Variants in RSRC1 observed in about 807,000 individuals in gnomAD.
The protein encoded by RSRC1 is serine/Arginine-related protein 53.
A neutral mutation model predicts 49.1 loss-of-function variants in RSRC1; 39 were observed. The observed-to-expected ratio is 0.79, with a 90% CI of 0.61 to 1.04. The LOEUF (loss-of-function observed/expected upper bound fraction) is 1.04. Ranked by LOEUF, RSRC1 falls within the 50% of genes least tolerant of loss-of-function variation. The pLI is 0.00. For missense variants in RSRC1, 388 were observed against 402.4 expected, an observed-to-expected ratio of 0.96 and a Z score of 0.31; for synonymous variants, 143 against 130.8, an observed-to-expected ratio of 1.09 and a Z score of -0.63.
At chr3:158,257,371 G>C (rs1274317676) in intron 4 of RSRC1, among the ~76,000 whole-genome samples, 1 of 151,982 alleles carries the variant, frequency 6.6e-6, no homozygotes, top group Admixed American at 6.6e-5. Flanking sequence ...TCCTTTTGCG[G>C]TATTGACCTC....
intron 4 of RSRC1, among the ~76,000 whole-genome samples, chr3:158,259,338 A>C (rs1724757863): frequency 6.6e-6 from 1 of 152,060 alleles, no homozygotes; most frequent in African/African-American, 2.4e-5. Context: ...CCTCGTAGAG[A>C]TACTACTTTG....
chr3:158,456,031 T>G (rs939173278), intron 6 of RSRC1, among the ~76,000 whole-genome samples: 2 of 148,746 alleles, frequency 1.3e-5, no homozygotes, highest in African/African-American at 4.9e-5. Flanking sequence ...ACACAATTTT[T>G]GTATTAATTT....
chr3:158,400,868 A>G (rs1477898934), intron 6 of RSRC1, among the ~76,000 whole-genome samples: 2 of 152,034 alleles, frequency 1.3e-5, no homozygotes, highest in South Asian at 2.1e-4. Flanking sequence ...TTCACATTCA[A>G]TTAACCGCTC....
At chr3:158,227,459 T>TCCTC (rs1267825387) in intron 4 of RSRC1, among the ~76,000 whole-genome samples, 1 of 151,920 alleles carries the variant, frequency 6.6e-6, no homozygotes, top group Non-Finnish European at 1.5e-5. Flanking sequence ...ATCTTTGTCT[T>TCCTC]CCTCCCTTGA....
intron 6 of RSRC1, among the ~76,000 whole-genome samples, chr3:158,362,117 T>A (rs1021210573): frequency 2.6e-5 from 4 of 152,122 alleles, no homozygotes; most frequent in Admixed American, 6.5e-5. Flanking sequence ...GATGGGAGGA[T>A]CATTTGAGCC....
intron 7 of RSRC1, among the ~76,000 whole-genome samples, chr3:158,494,832 T>A (rs557479402): frequency 3.3e-4 from 51 of 152,284 alleles, no homozygotes; most frequent in African/African-American, 1.2e-3. Context: ...AGAAGGTGTT[T>A]AGGGGCAATA....
At chr3:158,518,148 A>ATATATTTTTTT (rs1310027981) in intron 7 of RSRC1, among the ~76,000 whole-genome samples, 4 of 44,138 alleles carry the variant, frequency 9.1e-5, no homozygotes, top group African/African-American at 6.2e-4. Context: ...ATATATATAT[A>ATATATTTTTTT]TTTTTTTTTT....
chr3:158,409,734 T>C (rs1734346351), intron 6 of RSRC1, among the ~76,000 whole-genome samples: 1 of 147,218 alleles, frequency 6.8e-6, no homozygotes, highest in Non-Finnish European at 1.5e-5. Flanking sequence ...TTTAGGATGA[T>C]AACTTTGTTG....
intron 6 of RSRC1, among the ~76,000 whole-genome samples, chr3:158,442,973 A>G (rs954563441): frequency 6.6e-6 from 1 of 152,100 alleles, no homozygotes; most frequent in Non-Finnish European, 1.5e-5. Context: ...ATAATATTTT[A>G]AAAGAAATCT....
intron 3 of RSRC1, among the ~76,000 whole-genome samples, chr3:158,143,811 T>C (rs577727581): frequency 4.9e-4 from 75 of 152,282 alleles, no homozygotes; most frequent in African/African-American, 7.2e-4. Flanking sequence ...CAAGCTATAA[T>C]TGACAACTTT....
At chr3:158,284,380 T>C (rs1726378304) in intron 4 of RSRC1, among the ~76,000 whole-genome samples, 1 of 146,610 alleles carries the variant, frequency 6.8e-6, no homozygotes. Flanking sequence ...TATAGCGGCA[T>C]GATTTATAGT....
intron 6 of RSRC1, among the ~76,000 whole-genome samples, chr3:158,419,241 A>G (rs1482005088): frequency 2.6e-5 from 4 of 151,972 alleles, no homozygotes; most frequent in East Asian, 3.9e-4. Context: ...AAGATTTCTC[A>G]TGAAGTTAGT....
At chr3:158,328,784 G>T (rs1355260859) in intron 5 of RSRC1, among the ~76,000 whole-genome samples, 4 of 152,146 alleles carry the variant, frequency 2.6e-5, no homozygotes, top group Admixed American at 6.5e-5. Flanking sequence ...ATGTTGGCCT[G>T]CCTTGCTAGG....
chr3:158,316,739 C>T (rs561082089), intron 5 of RSRC1, among the ~76,000 whole-genome samples: 4 of 152,174 alleles, frequency 2.6e-5, no homozygotes, highest in African/African-American at 4.8e-5. Context: ...CCAACGCGCC[C>T]GGCAGAATCT....
Position 158,518,148 on chromosome 3 carries a change from A to ATTTTTTTTTTTTTTTTT in RSRC1, c.653-18940_653-18924dup, listed in dbSNP as rs72132266. On this transcript the variant is annotated intron_variant, in intron 7 of 9. Coordinates refer to ENST00000611884, the MANE Select transcript of RSRC1 (RefSeq NM_001271838.2). Reference sequence around the variant, plus strand: ...TGTGTATATATATATATATATATATATTTTTTTTTTTTTTTTTTTTACTCC... The same window carrying ATTTTTTTTTTTTTTTTT: ...TGTGTATATATATATATATATATATATTTTTTTTTTTTTTTTTTTTTTTTTTTTTTTTTTTTTACTCC... Among the ~76,000 whole-genome samples the ATTTTTTTTTTTTTTTTT allele has an allele frequency of 9.3e-4, 41 of 44,132 alleles. 3 individuals carry two copies. Among genetic ancestry groups the ATTTTTTTTTTTTTTTTT allele is most frequent in the African/African-American group, 2.9e-3 (19 of 6,504 alleles). 29.0% of individuals were successfully genotyped at this position (44,132 alleles called of 152,430 possible).
intron 4 of RSRC1, chr3:158,275,889 T>C: frequency 3.0e-6 from 2 of 660,520 alleles, no homozygotes; most frequent in Non-Finnish European, 5.3e-6. Context: ...TGGTGGAACT[T>C]ATGGCCCTTT....
intron 6 of RSRC1, among the ~76,000 whole-genome samples, chr3:158,385,822 TTG>T (rs1261867744): frequency 1.3e-5 from 2 of 152,278 alleles, no homozygotes; most frequent in South Asian, 4.1e-4. Flanking sequence ...CATAAACAAA[TTG>T]TGTTTGTCCA....
intron 3 of RSRC1, among the ~76,000 whole-genome samples, chr3:158,144,576 A>G (rs1188039236): frequency 6.6e-6 from 1 of 152,150 alleles, no homozygotes; most frequent in Non-Finnish European, 1.5e-5. Context: ...GCTATTGTGA[A>G]TAGTGCCGCA....
chr3:158,494,108 TTC>T (rs1271787091), intron 7 of RSRC1, among the ~76,000 whole-genome samples: 1 of 152,174 alleles, frequency 6.6e-6, no homozygotes, highest in Non-Finnish European at 1.5e-5. Flanking sequence ...CAGGGATACA[TTC>T]TGAGAAATGT....
Sources: allele counts gnomAD v4.1 joint callset (sites outside exome capture counted in the v4.1 genomes callset), GRCh38; gene constraint gnomAD v4.1.1; transcripts MANE v1.5; gene names NCBI Gene and HGNC (gene_info 2026-07-23, HGNC 2026-07-21).